Variants in EPHA10 observed in about 807,000 individuals in gnomAD.
The protein encoded by EPHA10 is EPH receptor A10.
EPHA10 carries 120 observed loss-of-function variants against 109.7 expected under a neutral mutation model. The ratio of observed to expected loss-of-function variants is 1.09; its 90% confidence interval spans 0.94 to 1.27. The LOEUF (loss-of-function observed/expected upper bound fraction) is 1.27. Ranked by LOEUF, EPHA10 falls within the 50% of genes most tolerant of loss-of-function variation. The pLI, the probability that EPHA10 is intolerant of heterozygous loss-of-function variation, is 0.00. For synonymous variants in EPHA10, 640 were observed against 618.9 expected (o/e 1.03, Z -0.51); for missense variants, 1,396 against 1,411.1 (o/e 0.99, Z 0.17).
intron 5 of EPHA10, 97 bp downstream of exon 5, chr1:37,752,779 G>T: frequency 1.3e-6 from 1 of 749,330 alleles, no homozygotes; most frequent in Non-Finnish European, 1.7e-6. Context: ...TCTGGGGTGG[G>T]TGGGTGGGGC....
chr1:37,750,371 A>T (rs1271054943), intron 5 of EPHA10, among the ~76,000 whole-genome samples: 2 of 152,190 alleles, frequency 1.3e-5, no homozygotes, highest in Non-Finnish European at 2.9e-5. Flanking sequence ...ATCACAATAG[A>T]GACAATAAAA....
At chr1:37,725,882 C>A (rs557293463) in intron 8 of EPHA10, among the ~76,000 whole-genome samples, 2 of 152,332 alleles carry the variant, frequency 1.3e-5, no homozygotes, top group East Asian at 3.9e-4. Context: ...AGAGCAGGTA[C>A]TACACCCAGG....
At chr1:37,726,983 T>G in intron 8 of EPHA10, 119 bp downstream of exon 8, 1 of 688,538 alleles carries the variant, frequency 1.5e-6, no homozygotes, top group Non-Finnish European at 2.4e-6. Context: ...TGTACAGCAG[T>G]GTGCTTGCAG....
In EPHA10 at chr1:37,738,902, C is replaced by A. The variant is rs574920373; in HGVS notation, c.1358-3512G>T. Reference sequence around the variant, plus strand: ...CATTCTAAGCAAACTGTCACAAGGACAGAAAACCAAACACCGCATGTTCTC... The same window carrying A: ...CATTCTAAGCAAACTGTCACAAGGAAAGAAAACCAAACACCGCATGTTCTC... On this transcript the variant is annotated intron_variant, in intron 5 of 16. Coordinates refer to ENST00000373048, the MANE Select transcript of EPHA10 (RefSeq NM_001099439.2). Among the ~76,000 whole-genome samples the A allele has an allele frequency of 2.0e-4, 31 of 152,232 alleles. No individual in the cohort carries two copies. The South Asian group carries it at 6.2e-3, about 31-fold the overall frequency.
At chr1:37,740,710 C>A (rs1646140603) in intron 5 of EPHA10, among the ~76,000 whole-genome samples, 1 of 152,156 alleles carries the variant, frequency 6.6e-6, no homozygotes, top group African/African-American at 2.4e-5. Context: ...CACACATACA[C>A]ACATATACGG....
intron 3 of EPHA10, among the ~76,000 whole-genome samples, chr1:37,759,254 T>C (rs1320783468): frequency 1.3e-5 from 2 of 152,138 alleles, no homozygotes; most frequent in East Asian, 3.8e-4. Context: ...AGGCCTTTCA[T>C]GATTTCCACC....
intron 3 of EPHA10, chr1:37,760,988 G>A (rs534584186): frequency 1.2e-3 from 301 of 256,464 alleles, no homozygotes; most frequent in Non-Finnish European, 1.8e-3. Flanking sequence ...GGAGGCTGAG[G>A]CAGGAGAATT....
chr1:37,719,420 CA>C lies in EPHA10; in HGVS notation c.2749del (p.Cys917ValfsTer8). On this transcript the variant is annotated frameshift_variant, in exon 15 of 17. Transcript: ENST00000373048. LOFTEE classifies it high-confidence loss of function. ...GTCCCATGTGGGAACGTACCTGGGA[CA>C]GGTAGTCAGGGCACACTTGGGGGGC... ...PEPPKCALTT[C>X]PRPPTPLADR... 2 of 1,612,300 alleles carry C rather than the reference CA, an allele frequency of 1.2e-6. No individual in the cohort carries two copies. The highest frequency in any genetic ancestry group is 1.7e-6 in the Non-Finnish European group (2 of 1,179,780).
intron 5 of EPHA10, among the ~76,000 whole-genome samples, chr1:37,737,545 T>C (rs1202651536): frequency 5.3e-5 from 8 of 152,192 alleles, no homozygotes. Flanking sequence ...CTGAGAAAAG[T>C]GGATATCCAC....
At chr1:37,723,258 G>C in intron 9 of EPHA10, 53 bp downstream of exon 9, 1 of 1,609,858 alleles carries the variant, frequency 6.2e-7, no homozygotes, top group Non-Finnish European at 8.5e-7. Context: ...AGAGGGCTGA[G>C]GAGTGAGGCA....
At chr1:37,749,587 C>T (rs1030388217) in intron 5 of EPHA10, among the ~76,000 whole-genome samples, 10 of 151,690 alleles carry the variant, frequency 6.6e-5, no homozygotes, top group South Asian at 2.1e-4. Flanking sequence ...GCAGGAGAGT[C>T]GCTTCAACCC....
At position 37,754,250 on chromosome 1, in the gene EPHA10, C is replaced by A. The variant is rs759347073; in HGVS notation, c.971G>T (p.Arg324Leu). ...AGCCGAGGGCGGGTCGGTGGGTGAG[C>A]GCGCATAGCTGTCCTGGCACACGCA... ...TFCVCQDSYARSPTDPPSASC... is the reference protein window; with the variant it reads ...TFCVCQDSYALSPTDPPSASC... Residue 324 changes from arginine (R) to leucine (L), a missense_variant, in exon 4 of 17, where the codon CGC becomes CTC. Physicochemically the swap from Arg to Leu is moderately radical, Grantham distance 102 (BLOSUM62 -2). Transcript: ENST00000373048. The surrounding 1 kb of genome is among the most constrained non-coding windows in gnomAD (Gnocchi z 4.5). 4 of 1,318,078 alleles carry A rather than the reference C, an allele frequency of 3.0e-6. No individual in the cohort carries two copies. The highest frequency in any genetic ancestry group is 6.1e-5 in the East Asian group (2 of 32,714). 81.6% of individuals were successfully genotyped at this position (1,318,078 alleles called of 1,614,324 possible).
At chr1:37,739,688 C>CCA in intron 5 of EPHA10, among the ~76,000 whole-genome samples, 1 of 76,646 alleles carries the variant, frequency 1.3e-5, no homozygotes, top group Non-Finnish European at 2.4e-5. Context: ...GACCCTGTCT[C>CCA]AAAAAAAAAA....
chr1:37,732,861 TTC>T (rs1282577019), intron 6 of EPHA10, among the ~76,000 whole-genome samples: 20 of 96,650 alleles, frequency 2.1e-4, no homozygotes, highest in African/African-American at 6.8e-4. Context: ...TTTATACTTG[TTC>T]TTTTTTTTTT....
intron 5 of EPHA10, among the ~76,000 whole-genome samples, chr1:37,737,292 C>A (rs1211298511): frequency 2.0e-5 from 3 of 151,998 alleles, no homozygotes; most frequent in Non-Finnish European, 1.5e-5. Flanking sequence ...TTTACAAAAA[C>A]CAACCAACAA....
intron 5 of EPHA10, among the ~76,000 whole-genome samples, chr1:37,747,830 A>G (rs1054742304): frequency 6.4e-4 from 97 of 152,268 alleles, no homozygotes; most frequent in Admixed American, 4.8e-3. Flanking sequence ...TGGAATTGAT[A>G]GGTTCAAGAG....
intron 8 of EPHA10, among the ~76,000 whole-genome samples, chr1:37,726,212 A>G (rs1645888835): frequency 6.6e-6 from 1 of 152,242 alleles, no homozygotes. Flanking sequence ...CAACGGGTCC[A>G]GCACATGGAC....
chr1:37,747,233 A>C (rs1410555724), intron 5 of EPHA10, among the ~76,000 whole-genome samples: 1 of 152,208 alleles, frequency 6.6e-6, no homozygotes, highest in Non-Finnish European at 1.5e-5. Context: ...ACAAAAAATA[A>C]CTAAGCACTG....
chr1:37,734,009 C>T (rs1468691265), intron 6 of EPHA10, among the ~76,000 whole-genome samples: 2 of 152,130 alleles, frequency 1.3e-5, no homozygotes, highest in Non-Finnish European at 2.9e-5. Flanking sequence ...CCAGGTCAGA[C>T]ACCCAGCAGT....
Sources: allele counts gnomAD v4.1 joint callset (sites outside exome capture counted in the v4.1 genomes callset), GRCh38; gene constraint gnomAD v4.1.1; non-coding constraint Gnocchi (gnomAD v3.1); transcripts MANE v1.5; gene names NCBI Gene and HGNC (gene_info 2026-07-23, HGNC 2026-07-21).